Variants in UNC13C observed in about 807,000 individuals in gnomAD.
UNC13C encodes unc-13 homolog C, also known as protein unc-13 homolog C.
UNC13C carries 174 observed loss-of-function variants against 245.4 expected under a neutral mutation model. That is an observed-to-expected ratio of 0.71 (90% CI 0.63 to 0.80). The LOEUF (loss-of-function observed/expected upper bound fraction) is 0.80, where lower values mean the gene tolerates loss of function less well. UNC13C is among the 30% of genes least tolerant of loss of function. The pLI, the probability that UNC13C is intolerant of heterozygous loss-of-function variation, is 0.00. For synonymous variants in UNC13C, 992 were observed against 895.1 expected, an observed-to-expected ratio of 1.11 and a Z score of -1.93; for missense variants, 2,829 against 2,602.9, an observed-to-expected ratio of 1.09 and a Z score of -1.89.
intron 13 of UNC13C, among the ~76,000 whole-genome samples, chr15:54,320,456 G>A (rs1228500560): frequency 6.6e-6 from 1 of 151,648 alleles, no homozygotes; most frequent in Non-Finnish European, 1.5e-5. Context: ...CAACATCAAG[G>A]GTGCAAAAAA....
At chr15:53,906,450 C>A in the UNC13C span, among the ~76,000 whole-genome samples, 22 of 152,224 alleles carry the variant, frequency 1.4e-4, 1 homozygote, top group Non-Finnish European at 4.4e-5. Flanking sequence ...TCCACTTTAA[C>A]AATATGTGCA....
chr15:54,246,761 G>C (rs11635342), intron 7 of UNC13C, among the ~76,000 whole-genome samples: 1 of 148,052 alleles, frequency 6.8e-6, no homozygotes, highest in African/African-American at 2.5e-5. Flanking sequence ...GAGGGTGGGG[G>C]TGGGAGGAGG....
intron 4 of UNC13C, among the ~76,000 whole-genome samples, chr15:54,229,291 T>C (rs2140810069): frequency 6.6e-6 from 1 of 152,298 alleles, no homozygotes; most frequent in Non-Finnish European, 1.5e-5. Flanking sequence ...GTGCCTCTTT[T>C]AGTGATATGA....
chr15:53,881,142 G>A, the UNC13C span, among the ~76,000 whole-genome samples: 80 of 152,214 alleles, frequency 5.3e-4, 1 homozygote, highest in African/African-American at 1.9e-3. Flanking sequence ...GGGATTGTGT[G>A]TGTGTGTGTA....
intron 16 of UNC13C, among the ~76,000 whole-genome samples, chr15:54,337,347 C>G (rs750630484): frequency 3.3e-5 from 5 of 152,170 alleles, no homozygotes; most frequent in Non-Finnish European, 7.3e-5. Context: ...CAGAACTTTT[C>G]CACAACTGTA....
At chr15:54,398,243 G>A (rs1045209755) in intron 18 of UNC13C, among the ~76,000 whole-genome samples, 7 of 151,246 alleles carry the variant, frequency 4.6e-5, no homozygotes, top group African/African-American at 1.7e-4. Flanking sequence ...AATCAGTATG[G>A]TGAATTGAAC....
chr15:54,531,157 G>A (rs897545755), intron 25 of UNC13C, among the ~76,000 whole-genome samples: 1 of 152,086 alleles, frequency 6.6e-6, no homozygotes, highest in African/African-American at 2.4e-5. Context: ...AGATTGCATG[G>A]GCAGTTAAAT....
intron 18 of UNC13C, among the ~76,000 whole-genome samples, chr15:54,398,104 C>T (rs1008034867): frequency 1.3e-5 from 2 of 151,278 alleles, no homozygotes; most frequent in African/African-American, 2.4e-5. Flanking sequence ...ATGGATAATG[C>T]TTTATCAAGT....
chr15:54,613,032 T>C (rs531713227), intron 30 of UNC13C, among the ~76,000 whole-genome samples: 1 of 151,844 alleles, frequency 6.6e-6, no homozygotes, highest in Non-Finnish European at 1.5e-5. Flanking sequence ...AGATTATTAT[T>C]TGTCTCTCAA....
intron 13 of UNC13C, among the ~76,000 whole-genome samples, chr15:54,310,822 G>C (rs918462698): frequency 2.6e-5 from 4 of 151,212 alleles, no homozygotes; most frequent in African/African-American, 9.7e-5. Flanking sequence ...ACACTTTGCT[G>C]ACCATTTCTT....
At chr15:54,458,688 T>TTTTTC (rs1891669128) in intron 19 of UNC13C, among the ~76,000 whole-genome samples, 1 of 145,252 alleles carries the variant, frequency 6.9e-6, no homozygotes, top group African/African-American at 2.5e-5. Context: ...GTCTTTTTTT[T>TTTTTC]TTTTTTTTTT....
chr15:54,062,425 G>A (rs1897886018), intron 2 of UNC13C, among the ~76,000 whole-genome samples: 1 of 151,732 alleles, frequency 6.6e-6, no homozygotes, highest in African/African-American at 2.4e-5. Context: ...ATTCTAAACT[G>A]ACATGATTCT....
chr15:54,269,319 G>A (rs1237717474), intron 10 of UNC13C, among the ~76,000 whole-genome samples: 1 of 151,484 alleles, frequency 6.6e-6, no homozygotes, highest in Non-Finnish European at 1.5e-5. Context: ...TATGTGGGAG[G>A]GTATCTCTGG....
At chr15:53,933,316 T>C in the UNC13C span, among the ~76,000 whole-genome samples, 3 of 152,188 alleles carry the variant, frequency 2.0e-5, no homozygotes, top group Non-Finnish European at 4.4e-5. Flanking sequence ...ATATATAATG[T>C]ACCTCTTCAA....
intron 4 of UNC13C, among the ~76,000 whole-genome samples, chr15:54,182,735 A>G (rs2033844176): frequency 6.6e-6 from 1 of 152,060 alleles, no homozygotes; most frequent in Non-Finnish European, 1.5e-5. Context: ...TCTTTACTAC[A>G]AGACATATTA....
chr15:54,452,343 A>G (rs1891225489), intron 19 of UNC13C, among the ~76,000 whole-genome samples: 1 of 152,092 alleles, frequency 6.6e-6, no homozygotes, highest in Admixed American at 6.5e-5. Context: ...TATGGCAGTT[A>G]TAGTGGTGGC....
At chr15:54,509,874 G>T (rs117152955) in intron 23 of UNC13C, among the ~76,000 whole-genome samples, 2,838 of 152,232 alleles carry the variant, frequency 0.019, 45 homozygotes, top group Non-Finnish European at 0.027. Context: ...AAAAGGGAGA[G>T]TCTCAAATTT....
intron 4 of UNC13C, among the ~76,000 whole-genome samples, chr15:54,193,141 C>A (rs1246516459): frequency 1.3e-5 from 2 of 152,186 alleles, no homozygotes; most frequent in Non-Finnish European, 2.9e-5. Flanking sequence ...TTATAAAGTA[C>A]TAAGTGAGAT....
At chr15:54,269,914 A>G (rs1030904574) in intron 10 of UNC13C, among the ~76,000 whole-genome samples, 39 of 152,226 alleles carry the variant, frequency 2.6e-4, no homozygotes, top group African/African-American at 8.9e-4. Flanking sequence ...CATGAACTAT[A>G]TATAAGTACA....
Sources: allele counts gnomAD v4.1 joint callset (sites outside exome capture counted in the v4.1 genomes callset), GRCh38; gene constraint gnomAD v4.1.1; transcripts MANE v1.5; gene names NCBI Gene and HGNC (gene_info 2026-07-23, HGNC 2026-07-21).